Variants in RAB5A observed in about 807,000 individuals in gnomAD.
RAB5A encodes RAB5A, member RAS oncogene family.
Under a neutral mutation model 25.7 loss-of-function variants are expected in RAB5A, and 8 were observed. That is an observed-to-expected ratio of 0.31 (90% CI 0.18 to 0.56). The LOEUF (loss-of-function observed/expected upper bound fraction) is 0.56. Ranked by LOEUF, RAB5A falls within the 20% of genes least tolerant of loss-of-function variation. The pLI, the probability that RAB5A is intolerant of heterozygous loss-of-function variation, is 0.91. For synonymous variants in RAB5A, 98 were observed against 89.8 expected (o/e 1.09, Z -0.52); for missense variants, 192 against 259.7 (o/e 0.74, Z 1.79).
intron 4 of RAB5A, among the ~76,000 whole-genome samples, chr3:19,977,651 A>G (rs1219335889): frequency 6.6e-6 from 1 of 152,202 alleles, no homozygotes; most frequent in Admixed American, 6.5e-5. Context: ...AAACACTTAA[A>G]TTACAGTCAG....
intron 2 of RAB5A, among the ~76,000 whole-genome samples, chr3:19,964,722 T>G (rs1696636546): frequency 1.3e-5 from 2 of 152,182 alleles, no homozygotes; most frequent in Non-Finnish European, 2.9e-5. Context: ...CAAACGATTC[T>G]TGTGCCTCAG....
intron 2 of RAB5A, among the ~76,000 whole-genome samples, chr3:19,952,924 T>A (rs933750228): frequency 2.0e-5 from 3 of 149,260 alleles, no homozygotes; most frequent in African/African-American, 2.6e-5. Context: ...GTTTAAAGAC[T>A]GCTAGATCAT....
At position 19,969,249 on chromosome 3, in the gene RAB5A, T is replaced by C. The variant is rs115921666; in HGVS notation, c.164-6352T>C. On this transcript the variant is annotated intron_variant, in intron 2 of 5. Coordinates refer to ENST00000273047, the MANE Select transcript of RAB5A (RefSeq NM_004162.5). ...TTAATAGAGACAGGGTTTCACCATG[T>C]TCCTGGCTGGTCTTGAACTCCTGAA... Among the ~76,000 whole-genome samples, 1,372 of 152,088 alleles carry C rather than the reference T, an allele frequency of 9.0e-3. 22 individuals carry two copies. The highest frequency in any genetic ancestry group is 0.029 in the African/African-American group (1,200 of 41,492).
At position 19,978,321 on chromosome 3, in the gene RAB5A, C is replaced by T. The variant is rs2125131539; in HGVS notation, c.450C>T (p.Ser150=). Residue 150 remains serine, a synonymous_variant, in exon 5 of 6, where the codon TCC becomes TCT. Transcript: ENST00000273047. ...KRAVDFQEAQ[S]YADDNSLLFM... ...TGTTCTGTAAACAGGAAGCACAGTC[C>T]TATGCAGATGACAATAGTTTATTAT... 6.2e-7 allele frequency: 1 copy of T among 1,608,036 alleles called. No individual in the cohort carries two copies. The highest frequency in any genetic ancestry group is 1.1e-5 in the South Asian group (1 of 90,914).
At position 19,985,116 on chromosome 3, in the gene RAB5A, C is replaced by A. The variant is rs1036279949; in HGVS notation, c.*1293C>A. The A allele has an allele frequency of 8.6e-6, 3 of 350,120 alleles. No homozygotes were observed. Among genetic ancestry groups the A allele is most frequent in the Non-Finnish European group, 1.5e-5 (3 of 195,408 alleles). The allele number at this position is 350,120 out of a possible 1,614,324, so 21.7% of individuals were successfully genotyped here. On this transcript the variant is annotated 3_prime_UTR_variant, in exon 6 of 6. Coordinates refer to ENST00000273047, the MANE Select transcript of RAB5A (RefSeq NM_004162.5). Reference sequence around the variant, plus strand: ...ATAATGCAGAATTAGGAAAACGGTTCACCAGTGTTTAGTTTTATATTGAGG... The same window carrying A: ...ATAATGCAGAATTAGGAAAACGGTTAACCAGTGTTTAGTTTTATATTGAGG...
At position 19,967,931 on chromosome 3, in the gene RAB5A, C is replaced by T. The variant is rs924817609; in HGVS notation, c.164-7670C>T. Among the ~76,000 whole-genome samples the T allele has an allele frequency of 7.2e-5, 11 of 152,174 alleles. No homozygotes were observed. In the South Asian group the frequency reaches 1.2e-3, roughly 17 times the overall value. Reference sequence around the variant, plus strand: ...CCTCAGTTTTTATTTTTCCTGTTTTCGGCTATGTATGATTCTTCTCTGTGT... The same window carrying T: ...CCTCAGTTTTTATTTTTCCTGTTTTTGGCTATGTATGATTCTTCTCTGTGT... On this transcript the variant is annotated intron_variant, in intron 2 of 5. Coordinates refer to ENST00000273047, the MANE Select transcript of RAB5A (RefSeq NM_004162.5).
At chr3:19,980,982 A>G (rs965011360) in intron 5 of RAB5A, among the ~76,000 whole-genome samples, 5 of 152,234 alleles carry the variant, frequency 3.3e-5, no homozygotes, top group African/African-American at 1.2e-4. Flanking sequence ...CCGATCTCAA[A>G]GCAGAGTGTA....
intron 2 of RAB5A, among the ~76,000 whole-genome samples, chr3:19,974,388 C>G (rs1234814353): frequency 6.6e-6 from 1 of 151,898 alleles, no homozygotes; most frequent in Non-Finnish European, 1.5e-5. Flanking sequence ...CTCCTGACCT[C>G]GTGATTTGCC....
At chr3:19,952,392 C>T (rs1696437043) in intron 2 of RAB5A, among the ~76,000 whole-genome samples, 1 of 152,104 alleles carries the variant, frequency 6.6e-6, no homozygotes, top group Non-Finnish European at 1.5e-5. Flanking sequence ...TATTTTAACC[C>T]CATCCTGTAA....
chr3:19,956,449 G>A (rs952102330), intron 2 of RAB5A, among the ~76,000 whole-genome samples: 1 of 152,054 alleles, frequency 6.6e-6, no homozygotes, highest in African/African-American at 2.4e-5. Context: ...GCGAGACTCC[G>A]TCTCAAAAAA....
chr3:19,953,566 C>T (rs1309242050), intron 2 of RAB5A, among the ~76,000 whole-genome samples: 2 of 152,084 alleles, frequency 1.3e-5, no homozygotes, highest in Non-Finnish European at 2.9e-5. Context: ...AGCCACCACT[C>T]CTGGCCAATT....
At chr3:19,975,562 G>A (rs1383605729) in intron 2 of RAB5A, 39 bp from the exon 3 acceptor site, 1 of 1,593,814 alleles carries the variant, frequency 6.3e-7, no homozygotes, top group South Asian at 1.1e-5. Flanking sequence ...AAAACATTTG[G>A]AGAAAAATGA....
intron 2 of RAB5A, among the ~76,000 whole-genome samples, chr3:19,962,364 T>TA (rs1039567097): frequency 6.6e-6 from 1 of 152,098 alleles, no homozygotes; most frequent in Non-Finnish European, 1.5e-5. Flanking sequence ...GGACAGGAGT[T>TA]CGAGACCAGC....
intron 2 of RAB5A, 38 bp from the exon 3 acceptor site, chr3:19,975,563 A>G (rs773988797): frequency 1.1e-5 from 18 of 1,595,494 alleles, no homozygotes; most frequent in South Asian, 3.4e-5. Context: ...AAACATTTGG[A>G]GAAAAATGAT....
chr3:19,974,462 A>G (rs907246359), intron 2 of RAB5A, among the ~76,000 whole-genome samples: 2 of 152,040 alleles, frequency 1.3e-5, no homozygotes, highest in Admixed American at 1.3e-4. Flanking sequence ...CTATAATGCT[A>G]CTTTCCTAGT....
intron 2 of RAB5A, among the ~76,000 whole-genome samples, chr3:19,952,412 C>G (rs958120244): frequency 1.3e-5 from 2 of 152,294 alleles, no homozygotes; most frequent in South Asian, 2.1e-4. Context: ...AAATTAAAGT[C>G]AAACTTTGGA....
At chr3:19,957,406 C>T (rs1052830118) in intron 2 of RAB5A, among the ~76,000 whole-genome samples, 2 of 151,902 alleles carry the variant, frequency 1.3e-5, no homozygotes, top group African/African-American at 2.4e-5. Flanking sequence ...ATGGCTCATG[C>T]CTGTAATCCC....
chr3:19,957,730 CA>C (rs61222002), intron 2 of RAB5A, among the ~76,000 whole-genome samples: 95,735 of 132,244 alleles, frequency 0.72, 33,472 homozygotes, highest in Non-Finnish European at 0.76. Flanking sequence ...GACTCTGTCT[CA>C]AAAAAAAAAA....
At chr3:19,975,463 T>G (rs763745331) in intron 2 of RAB5A, 138 bp from the exon 3 acceptor site, 1 of 771,234 alleles carries the variant, frequency 1.3e-6, no homozygotes, top group Non-Finnish European at 1.9e-6. Context: ...ATTTATTACT[T>G]TTAACTGACA....
Sources: allele counts gnomAD v4.1 joint callset (sites outside exome capture counted in the v4.1 genomes callset), GRCh38; gene constraint gnomAD v4.1.1; transcripts MANE v1.5; gene names NCBI Gene and HGNC (gene_info 2026-07-23, HGNC 2026-07-21).